The following BANK1 variants were observed in gnomAD, a reference collection of about 807,000 sequenced individuals.
BANK1 encodes the protein B-cell scaffold protein with ankyrin repeats.
In BANK1, 95 loss-of-function variants were observed where a neutral mutation model predicts 94.5. The observed-to-expected ratio is 1.00, with a 90% CI of 0.85 to 1.19. The LOEUF is 1.19. Among genes scored for constraint, BANK1 ranks in the 50% most tolerant of loss-of-function variants. BANK1 has a pLI of 0.00. For synonymous variants in BANK1, 334 were observed against 308.4 expected, an observed-to-expected ratio of 1.08 and a Z score of -0.87; for missense variants, 987 against 932.2, an observed-to-expected ratio of 1.06 and a Z score of -0.77.
intron 3 of BANK1, among the ~76,000 whole-genome samples, chr4:101,856,941 CA>C (rs1330797239): frequency 6.6e-6 from 1 of 152,080 alleles, no homozygotes; most frequent in Non-Finnish European, 1.5e-5. Flanking sequence ...TTATCCCAGA[CA>C]AGATTTTTTG....
At chr4:102,012,646 G>A (rs1217427101) in intron 7 of BANK1, among the ~76,000 whole-genome samples, 1 of 152,124 alleles carries the variant, frequency 6.6e-6, no homozygotes, top group Non-Finnish European at 1.5e-5. Flanking sequence ...AGTATTATAT[G>A]TTTGCTTCTA....
At chr4:102,050,852 A>G (rs1255322191) in intron 11 of BANK1, among the ~76,000 whole-genome samples, 1 of 152,222 alleles carries the variant, frequency 6.6e-6, no homozygotes, top group Non-Finnish European at 1.5e-5. Context: ...AACTATTCAA[A>G]TGTATTTAAT....
chr4:102,065,125 T>A (rs1411146784), intron 13 of BANK1, among the ~76,000 whole-genome samples: 1 of 152,072 alleles, frequency 6.6e-6, no homozygotes. Flanking sequence ...AGCCTGGGAG[T>A]GTTTAAGTTC....
chr4:102,067,307 T>C (rs939619241), intron 13 of BANK1, among the ~76,000 whole-genome samples: 15 of 152,126 alleles, frequency 9.9e-5, no homozygotes, highest in African/African-American at 3.6e-4. Context: ...CTAAGCCATG[T>C]CATAATTATA....
intron 11 of BANK1, among the ~76,000 whole-genome samples, chr4:102,059,886 T>C (rs1174997668): frequency 6.6e-6 from 1 of 152,220 alleles, no homozygotes; most frequent in African/African-American, 2.4e-5. Flanking sequence ...AAGTATTTTG[T>C]GCACGTGATC....
intron 5 of BANK1, among the ~76,000 whole-genome samples, chr4:101,875,260 T>C (rs1728446226): frequency 6.6e-6 from 1 of 152,096 alleles, no homozygotes; most frequent in Non-Finnish European, 1.5e-5. Flanking sequence ...TTATGAGGCA[T>C]TGAACCCTGA....
chr4:101,972,506 T>C (rs1724990367), intron 7 of BANK1: 1 of 152,104 alleles, frequency 6.6e-6, no homozygotes, highest in African/African-American at 2.4e-5. Flanking sequence ...CATTGCCACC[T>C]CACTAAAAGC....
chr4:101,828,471 C>G (rs1198856787), intron 1 of BANK1, among the ~76,000 whole-genome samples: 1 of 151,136 alleles, frequency 6.6e-6, no homozygotes, highest in East Asian at 1.9e-4. Flanking sequence ...CCAGCAGGCT[C>G]TCTCATACCT....
intron 7 of BANK1, among the ~76,000 whole-genome samples, 159 bp from the exon 8 acceptor site, chr4:102,021,355 A>G (rs1171554417): frequency 3.9e-5 from 6 of 152,134 alleles, no homozygotes; most frequent in Non-Finnish European, 8.8e-5. Context: ...TACTTTTAGT[A>G]CTATGTGCCA....
chr4:101,931,519 T>C lies in BANK1; in HGVS notation c.1206+13330T>C, dbSNP rs759849436. 3.3e-5 allele frequency among the ~76,000 whole-genome samples: 5 copies of C among 151,514 alleles called. 1 individual carries two copies. Among genetic ancestry groups the C allele is most frequent in the African/African-American group, 4.8e-5 (2 of 41,344 alleles). On this transcript the variant is annotated intron_variant, in intron 7 of 16. Coordinates refer to ENST00000322953, the MANE Select transcript of BANK1 (RefSeq NM_017935.5). ...TTAAATTAAAACCACACCATTGGCT[T>C]TCCTGGGTCTCTAGCTTGCCAGCTG...
At chr4:101,936,258 T>A (rs906251605) in intron 7 of BANK1, among the ~76,000 whole-genome samples, 3 of 149,958 alleles carry the variant, frequency 2.0e-5, no homozygotes, top group Non-Finnish European at 3.0e-5. Flanking sequence ...ATGACACACA[T>A]ACATGTATGC....
intron 11 of BANK1, among the ~76,000 whole-genome samples, chr4:102,055,571 C>T (rs895989693): frequency 1.3e-5 from 2 of 151,886 alleles, no homozygotes; most frequent in African/African-American, 2.4e-5. Flanking sequence ...AGATGATATA[C>T]GTACATGCCA....
intron 6 of BANK1, among the ~76,000 whole-genome samples, chr4:101,905,492 T>C (rs1305663933): frequency 6.6e-6 from 1 of 152,228 alleles, no homozygotes; most frequent in Non-Finnish European, 1.5e-5. Flanking sequence ...GCCCAATGTT[T>C]TCCTTTTTTA....
chr4:101,922,009 C>CGTGTGTGTGTGTGTGTGTGTGTGT (rs68027862), intron 7 of BANK1, among the ~76,000 whole-genome samples: 1 of 129,366 alleles, frequency 7.7e-6, no homozygotes, highest in Non-Finnish European at 1.6e-5. Flanking sequence ...ACACTGGGCC[C>CGTGTGTGTGTGTGTGTGTGTGTGT]GTGTGTGTGT....
At position 101,918,048 on chromosome 4, in the gene BANK1, A is replaced by T. The variant is rs764086576; in HGVS notation, c.1065A>T (p.Leu355Phe). The part of the protein sequence containing the change: ...TLLHCAAKFG[L>F]KNLAIHLLQC... ...TCCACTGTGCAGCAAAATTTGGCTT[A>T]AAGAACCTGGCTATTCATTTGCTTC... The change falls in exon 7 of 17, where the codon TTA (leucine) becomes TTT (phenylalanine). Residue 355 changes from leucine to phenylalanine, a missense_variant. Transcript: ENST00000322953. 7.4e-6 allele frequency: 12 copies of T among 1,611,546 alleles called. No homozygotes were observed. Among genetic ancestry groups the T allele is most frequent in the South Asian group, 1.1e-5 (1 of 90,866 alleles).
intron 6 of BANK1, among the ~76,000 whole-genome samples, chr4:101,902,402 ATAAAT>A (rs1722316580): frequency 6.6e-6 from 1 of 152,256 alleles, no homozygotes; most frequent in African/African-American, 2.4e-5. Context: ...TCTCTAAGAA[ATAAAT>A]TATTATAAAT....
At chr4:102,060,081 CT>C (rs1463672455) in intron 11 of BANK1, 129 bp from the exon 12 acceptor site, 8 of 785,868 alleles carry the variant, frequency 1.0e-5, no homozygotes, top group Non-Finnish European at 1.5e-5. Flanking sequence ...TAAAAGTGTG[CT>C]GGTTTATTCT....
intron 7 of BANK1, among the ~76,000 whole-genome samples, chr4:101,999,740 G>C (rs1354160751): frequency 2.6e-5 from 4 of 152,138 alleles, no homozygotes; most frequent in Admixed American, 6.5e-5. Context: ...GAATGTAAAA[G>C]AAAGGAAATA....
chr4:101,883,478 A>G (rs1728747891), intron 5 of BANK1, among the ~76,000 whole-genome samples: 1 of 152,224 alleles, frequency 6.6e-6, no homozygotes, highest in African/African-American at 2.4e-5. Context: ...ACTGTTAAGA[A>G]TACATTTCAC....
Sources: gnomAD v4.1 joint callset for allele counts (sites outside exome capture counted in the v4.1 genomes callset) on GRCh38, gnomAD v4.1.1 for gene constraint, MANE v1.5 for transcripts, NCBI Gene and HGNC (gene_info 2026-07-23, HGNC 2026-07-21) for gene names.